SGSM3: variants seen among roughly 807,000 people sequenced by gnomAD.
SGSM3 encodes the protein RUN and SH3 containing 3.
SGSM3 carries 96 observed loss-of-function variants against 100.5 expected under a neutral mutation model. The ratio of observed to expected loss-of-function variants is 0.96; its 90% CI spans 0.81 to 1.13. SGSM3 has a LOEUF of 1.13. Among genes scored for constraint, SGSM3 ranks in the 50% most tolerant of loss-of-function variants. SGSM3 has a pLI of 0.00. For missense variants in SGSM3, 1,001 were observed against 1,015.8 expected (o/e 0.99, Z 0.20); for synonymous variants, 483 against 422.8 (o/e 1.14, Z -1.75).
chr22:40,371,329 GGTT>G (rs772590735), intron 1 of SGSM3, among the ~76,000 whole-genome samples: 1 of 152,234 alleles, frequency 6.6e-6, no homozygotes, highest in Non-Finnish European at 1.5e-5. Flanking sequence ...ATGTTTCAAA[GGTT>G]GTTTTCAGTG....
At chr22:40,393,559 A>G (rs776304193) in intron 1 of SGSM3, among the ~76,000 whole-genome samples, 19 of 152,128 alleles carry the variant, frequency 1.2e-4, no homozygotes, top group Non-Finnish European at 1.6e-4. Context: ...ATCACAAACA[A>G]CCTTCAGCTT....
chr22:40,378,334 G>A (rs1029464198), intron 1 of SGSM3: 4 of 152,262 alleles, frequency 2.6e-5, no homozygotes, highest in African/African-American at 7.2e-5. Flanking sequence ...TTGGGAGACT[G>A]GGGTGAGAGG....
chr22:40,408,698 G>T lies in SGSM3; in HGVS notation c.1853+1G>T. 1 of 1,614,044 alleles carries T rather than the reference G, an allele frequency of 6.2e-7. No individual in the cohort carries two copies. Among genetic ancestry groups the T allele is most frequent in the Non-Finnish European group, 8.5e-7 (1 of 1,180,034 alleles). ...GTCTGGTGCTCTGTAAGACCTTCAG[G>T]TAACTCGGCCCGGGTTCTTCTGGTG... is the stretch of plus-strand genomic sequence containing the variant. On this transcript the variant is annotated splice_donor_variant, in intron 17 of 21. Transcript: ENST00000248929. LOFTEE classifies it high-confidence loss of function.
intron 1 of SGSM3, among the ~76,000 whole-genome samples, chr22:40,372,122 C>CCTT (rs768398221): frequency 1.5e-5 from 1 of 65,200 alleles, no homozygotes; most frequent in Non-Finnish European, 2.7e-5. Context: ...TCCCCCCCCC[C>CCTT]TTTTTTTTTT....
intron 10 of SGSM3, 108 bp from the exon 11 acceptor site, chr22:40,406,909 T>G: frequency 5.1e-6 from 6 of 1,171,134 alleles, no homozygotes; most frequent in Non-Finnish European, 6.2e-6. Context: ...TTTCAATTCT[T>G]GGAGCCAGCG....
Position 40,406,086 on chromosome 22 carries a change from C to T in SGSM3, c.823C>T (p.Leu275=), listed in dbSNP as rs145397815. ...GGCTCCTGTGTTTACAGAGCTGTCC[C>T]TGATCACACTGCACTGGTTCCTCAC... ...LLQEHDIELS[L]ITLHWFLTAF... is the part of the protein sequence containing the mutation. Residue 275 remains leucine (L), a synonymous_variant, in exon 9 of 22, where the codon CTG becomes TTG. Transcript: ENST00000248929. 3 of 1,613,826 alleles carry T rather than the reference C, an allele frequency of 1.9e-6. No individual in the cohort carries two copies. Among genetic ancestry groups the T allele is most frequent in the Admixed American group, 1.7e-5 (1 of 59,998 alleles).
At chr22:40,374,084 C>T (rs762030473) in intron 1 of SGSM3, among the ~76,000 whole-genome samples, 1 of 152,114 alleles carries the variant, frequency 6.6e-6, no homozygotes, top group Non-Finnish European at 1.5e-5. Flanking sequence ...TCCTGAGTAG[C>T]TGGGACTACA....
At position 40,400,886 on chromosome 22, in the gene SGSM3, T is replaced by C. The variant is rs138768985; in HGVS notation, c.7+73T>C. 1.6e-3 allele frequency: 2,250 copies of C among 1,398,690 alleles called. 18 individuals are homozygous for C. The African/African-American group carries it at 0.017, about 10-fold the overall frequency. The allele number at this position is 1,398,690 out of a possible 1,614,324, so 86.6% of individuals were successfully genotyped here. A position where few individuals can be genotyped will look rare whatever the true frequency, so the allele number is the denominator to read the frequency against. ...AGGAGCCAGAGGGATGGAAGGTGGC[T>C]TGTTTTCCATAAAACACCATCCAGA... On this transcript the variant is annotated intron_variant, in intron 2 of 21. Coordinates refer to ENST00000248929, the MANE Select transcript of SGSM3 (RefSeq NM_015705.6).
chr22:40,372,420 T>G (rs2045766791), intron 1 of SGSM3, among the ~76,000 whole-genome samples: 1 of 152,146 alleles, frequency 6.6e-6, no homozygotes, highest in Non-Finnish European at 1.5e-5. Context: ...CCACCGTGCC[T>G]GGCCCTCCCT....
chr22:40,405,794 T>C lies in SGSM3; in HGVS notation c.764T>C (p.Ile255Thr), dbSNP rs1015170395. ...QTDQRVLRHL[I>T]VQYLPRLDKL... Reference sequence around the variant, plus strand: ...GACCAGCGGGTCCTGCGCCACCTCATTGTCCAGTACCTGCCTCGCCTGGAC... The same window carrying C: ...GACCAGCGGGTCCTGCGCCACCTCACTGTCCAGTACCTGCCTCGCCTGGAC... The change falls in exon 8 of 22, where the codon ATT becomes ACT. Residue 255 changes from isoleucine (I) to threonine (T), a missense_variant. Coordinates refer to ENST00000248929, the MANE Select transcript of SGSM3 (RefSeq NM_015705.6). The C allele has an allele frequency of 2.0e-5, 32 of 1,613,480 alleles. No homozygotes were observed. The highest frequency in any genetic ancestry group is 4.0e-5 in the African/African-American group (3 of 74,918).
At position 40,410,253 on chromosome 22, in the gene SGSM3, C is replaced by A. The variant is rs2052433717; in HGVS notation, c.*494C>A. On this transcript the variant is annotated 3_prime_UTR_variant, in exon 22 of 22. Coordinates refer to ENST00000248929, the MANE Select transcript of SGSM3 (RefSeq NM_015705.6). ...ACCCGGGACCCAGCTGTGCTACCCA[C>A]CCCTTCCATGGACTGAATAAGATGG... The A allele has an allele frequency of 1.1e-6, 1 of 896,568 alleles. No individual in the cohort carries two copies. Among genetic ancestry groups the A allele is most frequent in the Non-Finnish European group, 1.4e-6 (1 of 728,018 alleles). The allele number at this position is 896,568 out of a possible 1,614,324, so 55.5% of individuals were successfully genotyped here.
intron 7 of SGSM3, 53 bp downstream of exon 7, chr22:40,405,337 C>A: frequency 7.0e-7 from 1 of 1,425,614 alleles, no homozygotes; most frequent in Non-Finnish European, 9.2e-7. Context: ...CCTCCAGGAC[C>A]CTAACAAGGA....
Position 40,408,784 on chromosome 22 carries a change from G to A in SGSM3, c.1854-10G>A. On this transcript the variant is annotated splice_polypyrimidine_tract_variant and intron_variant, in intron 17 of 21. Coordinates refer to ENST00000248929, the MANE Select transcript of SGSM3 (RefSeq NM_015705.6). ...GCCCCGGCACCCCAGGAGCTTTGGT[G>A]TCCCCTCAGGTTGGATGAAGATGGC... The A allele has an allele frequency of 3.7e-6, 6 of 1,613,838 alleles. No homozygotes were observed. Among genetic ancestry groups the A allele is most frequent in the Non-Finnish European group, 5.1e-6 (6 of 1,180,016 alleles).
intron 3 of SGSM3, 108 bp from the exon 4 acceptor site, chr22:40,402,031 C>T (rs1237293786): frequency 1.1e-5 from 9 of 843,032 alleles, no homozygotes; most frequent in African/African-American, 3.3e-5. Flanking sequence ...GATCTGAGCC[C>T]GAAGGCTGGG....
At position 40,407,681 on chromosome 22, in the gene SGSM3, T is replaced by G. The variant is rs1602117655; in HGVS notation, c.1525-108T>G. 6.3e-7 allele frequency: 1 copy of G among 1,578,706 alleles called. No homozygotes were observed. Among genetic ancestry groups the G allele is most frequent in the African/African-American group, 1.3e-5 (1 of 74,284 alleles). On this transcript the variant is annotated intron_variant, in intron 13 of 21. Transcript: ENST00000248929. This position sits in a 1 kb window ranked among gnomAD's most constrained non-coding sequence, Gnocchi z 4.7. The stretch of plus-strand genomic sequence containing the variant: ...CTGCCAAGAGCTTCTCTTGTGAAGA[T>G]GTAGGGGTCTTGGCCTGGCCTAGTT...
chr22:40,375,320 C>G (rs1380476753), intron 1 of SGSM3, among the ~76,000 whole-genome samples: 1 of 152,224 alleles, frequency 6.6e-6, no homozygotes, highest in Non-Finnish European at 1.5e-5. Context: ...TGGCTCACGC[C>G]TGTAATCCCA....
chr22:40,409,262 G>C lies in SGSM3; in HGVS notation c.2001G>C (p.Leu667=). 1 of 1,608,840 alleles carries C rather than the reference G, an allele frequency of 6.2e-7. No individual in the cohort carries two copies. Among genetic ancestry groups the C allele is most frequent in the Non-Finnish European group, 8.5e-7 (1 of 1,179,022 alleles). Residue 667 remains leucine, a synonymous_variant, in exon 20 of 22, where the codon CTG becomes CTC. Coordinates refer to ENST00000248929, the MANE Select transcript of SGSM3 (RefSeq NM_015705.6). ...GCCATGTCCCCAGTGAGCAGGTGCTGCACCTGTGGCTGGAGGTGCTCTGCT... is the reference window on the plus strand; with the variant it reads ...GCCATGTCCCCAGTGAGCAGGTGCTCCACCTGTGGCTGGAGGTGCTCTGCT... ...LICVGLNEQV[L]HLWLEVLCSS...
intron 6 of SGSM3, 88 bp from the exon 7 acceptor site, chr22:40,405,053 T>G (rs956805693): frequency 4.9e-6 from 7 of 1,425,866 alleles, no homozygotes; most frequent in Non-Finnish European, 6.5e-6. Flanking sequence ...GAATCCCCAT[T>G]TCTGGGGGAG....
At chr22:40,406,729 C>T (rs1569216296) in intron 10 of SGSM3, 67 bp downstream of exon 10, 1 of 1,359,322 alleles carries the variant, frequency 7.4e-7, no homozygotes, top group Non-Finnish European at 1.0e-6. Flanking sequence ...CCTTGAAGTT[C>T]AGAGCGCGGG....
Sources: allele counts gnomAD v4.1 joint callset (sites outside exome capture counted in the v4.1 genomes callset), GRCh38; gene constraint gnomAD v4.1.1; non-coding constraint Gnocchi (gnomAD v3.1); transcripts MANE v1.5; gene names NCBI Gene and HGNC (gene_info 2026-07-23, HGNC 2026-07-21).